UNC5C: variants seen among roughly 807,000 people sequenced by gnomAD.
The protein encoded by UNC5C is unc-5 netrin receptor C, also known as netrin receptor UNC5C.
In UNC5C, 47 loss-of-function variants were observed where a neutral mutation model predicts 99.8. The observed-to-expected ratio is 0.47, with a 90% CI of 0.37 to 0.60. UNC5C has a LOEUF of 0.60. Among genes scored for constraint, UNC5C ranks in the 20% least tolerant of loss-of-function variants. UNC5C has a pLI of 0.00. For missense variants in UNC5C, 1,062 were observed against 1,165.9 expected, an observed-to-expected ratio of 0.91 and a Z score of 1.30; for synonymous variants, 487 against 452.2, an observed-to-expected ratio of 1.08 and a Z score of -0.98.
intron 2 of UNC5C, among the ~76,000 whole-genome samples, chr4:95,332,808 T>C (rs945795639): frequency 1.3e-5 from 2 of 151,546 alleles, no homozygotes; most frequent in African/African-American, 4.8e-5. Flanking sequence ...GAGAAAATTT[T>C]CACAACCTAC....
At chr4:95,420,212 T>G (rs1184158394) in intron 1 of UNC5C, among the ~76,000 whole-genome samples, 1 of 152,174 alleles carries the variant, frequency 6.6e-6, no homozygotes, top group South Asian at 2.1e-4. Context: ...CAAAATATGA[T>G]GAAAGCTCAT....
chr4:95,171,012 A>G (rs1736077538), intron 14 of UNC5C, among the ~76,000 whole-genome samples: 1 of 152,252 alleles, frequency 6.6e-6, no homozygotes, highest in African/African-American at 2.4e-5. Context: ...ATTTTAGTAG[A>G]GAAAACCATA....
At chr4:95,520,965 C>T (rs1325280714) in intron 1 of UNC5C, among the ~76,000 whole-genome samples, 1 of 151,992 alleles carries the variant, frequency 6.6e-6, no homozygotes, top group Non-Finnish European at 1.5e-5. Context: ...AATAATGATG[C>T]CCCTCTCTAT....
chr4:95,469,382 T>A (rs1578180469), intron 1 of UNC5C, among the ~76,000 whole-genome samples: 1 of 152,150 alleles, frequency 6.6e-6, no homozygotes, highest in African/African-American at 2.4e-5. Flanking sequence ...CACCTTCCTT[T>A]TGGTTTAGGT....
chr4:95,341,767 G>C (rs1743589046), intron 1 of UNC5C, among the ~76,000 whole-genome samples: 1 of 152,128 alleles, frequency 6.6e-6, no homozygotes, highest in Non-Finnish European at 1.5e-5. Context: ...ATGTAGGAAA[G>C]ACAGTCTTGA....
intron 2 of UNC5C, among the ~76,000 whole-genome samples, chr4:95,305,752 T>C (rs1302110789): frequency 6.6e-6 from 1 of 152,176 alleles, no homozygotes. Context: ...GGAAAGTAAT[T>C]AGCATGTTAT....
At chr4:95,278,533 G>A (rs1406442303) in intron 3 of UNC5C, among the ~76,000 whole-genome samples, 171 bp from the exon 4 acceptor site, 3 of 150,758 alleles carry the variant, frequency 2.0e-5, no homozygotes, top group South Asian at 2.1e-4. Context: ...GGAGTGCAGT[G>A]GTGTGATCAC....
At chr4:95,189,776 C>A (rs1353810781) in intron 12 of UNC5C, among the ~76,000 whole-genome samples, 2 of 152,162 alleles carry the variant, frequency 1.3e-5, no homozygotes, top group Admixed American at 6.5e-5. Context: ...AAATGCAAAT[C>A]AAAACCACAA....
chr4:95,178,322 G>T (rs967975076), intron 14 of UNC5C, among the ~76,000 whole-genome samples: 1 of 152,156 alleles, frequency 6.6e-6, no homozygotes, highest in African/African-American at 2.4e-5. Flanking sequence ...CTGTGCCCTG[G>T]GGCCCCCCTG....
chr4:95,244,280 T>C lies in UNC5C; in HGVS notation c.943+697A>G, dbSNP rs563154106. 7.9e-5 allele frequency among the ~76,000 whole-genome samples: 12 copies of C among 152,320 alleles called. No individual in the cohort carries two copies. In the South Asian group the frequency reaches 2.5e-3, roughly 32 times the overall value. ...AACGAGGCATTTTAAAGGGTTTTGT[T>C]TTTGCTTTTGGCAAATATTATCTTC... On this transcript the variant is annotated intron_variant, in intron 6 of 15. Coordinates refer to ENST00000453304, the MANE Select transcript of UNC5C (RefSeq NM_003728.4).
At position 95,164,079 on chromosome 4, in the gene UNC5C, C is replaced by T. The variant is rs1373541259; in HGVS notation, c.*5155G>A. 6.6e-6 allele frequency: 1 copy of T among 152,190 alleles called. No individual in the cohort carries two copies. Among genetic ancestry groups the T allele is most frequent in the East Asian group, 1.9e-4 (1 of 5,186 alleles). The allele number at this position is 152,190 out of a possible 1,614,324, so 9.4% of individuals were successfully genotyped here. On this transcript the variant is annotated 3_prime_UTR_variant, in exon 16 of 16. Transcript: ENST00000453304. ...ACCTAGGAACCATGACTTATGAAGA[C>T]TGGCTGTTAAAGTAGCATTTATGAA... is the stretch of plus-strand genomic sequence containing the variant.
At chr4:95,179,153 C>A (rs1164233003) in intron 14 of UNC5C, among the ~76,000 whole-genome samples, 1 of 152,138 alleles carries the variant, frequency 6.6e-6, no homozygotes, top group Non-Finnish European at 1.5e-5. Context: ...GGTGATGACA[C>A]ACATATTCAG....
chr4:95,538,692 T>C (rs993100049), intron 1 of UNC5C, among the ~76,000 whole-genome samples: 5 of 152,110 alleles, frequency 3.3e-5, no homozygotes, highest in Admixed American at 2.6e-4. Context: ...AAAATCCTAG[T>C]TCAAAAATGC....
intron 7 of UNC5C, among the ~76,000 whole-genome samples, chr4:95,239,890 A>G (rs753762835): frequency 1.3e-5 from 2 of 152,206 alleles, no homozygotes; most frequent in Non-Finnish European, 2.9e-5. Flanking sequence ...AAAAAATATT[A>G]TGCTACATTA....
intron 1 of UNC5C, among the ~76,000 whole-genome samples, chr4:95,411,512 T>C (rs530693770): frequency 3.3e-5 from 5 of 152,198 alleles, no homozygotes; most frequent in African/African-American, 1.2e-4. Context: ...ACTCTCTGGT[T>C]TCCTGATTTT....
At chr4:95,306,327 G>A (rs189183023) in intron 2 of UNC5C, among the ~76,000 whole-genome samples, 321 of 151,766 alleles carry the variant, frequency 2.1e-3, no homozygotes, top group African/African-American at 7.3e-3. Flanking sequence ...CTCAGCCTCC[G>A]GAGTAGCTGG....
At chr4:95,515,036 A>G (rs1420351702) in intron 1 of UNC5C, among the ~76,000 whole-genome samples, 5 of 152,254 alleles carry the variant, frequency 3.3e-5, no homozygotes, top group Non-Finnish European at 7.4e-5. Context: ...ATAATGAAAG[A>G]TCTTAAATAT....
At chr4:95,319,482 A>C (rs193291446) in intron 2 of UNC5C, among the ~76,000 whole-genome samples, 39 of 152,314 alleles carry the variant, frequency 2.6e-4, no homozygotes, top group Middle Eastern at 6.8e-3. Context: ...TGTATTTCCT[A>C]CATGCTGTGC....
intron 12 of UNC5C, among the ~76,000 whole-genome samples, chr4:95,187,880 C>T (rs1308720710): frequency 1.3e-5 from 2 of 152,132 alleles, no homozygotes; most frequent in Non-Finnish European, 2.9e-5. Context: ...TCCAATGGGA[C>T]ATAAACCCTG....
Sources: gnomAD v4.1 joint callset for allele counts (sites outside exome capture counted in the v4.1 genomes callset) on GRCh38, gnomAD v4.1.1 for gene constraint, MANE v1.5 for transcripts, NCBI Gene and HGNC (gene_info 2026-07-23, HGNC 2026-07-21) for gene names.